SCUBE2: variants seen among roughly 807,000 people sequenced by gnomAD.
SCUBE2 encodes the protein signal peptide, CUB and EGF-like domain-containing protein 2.
A neutral mutation model predicts 125.9 loss-of-function variants in SCUBE2; 114 were observed. The observed-to-expected ratio is 0.91, with a 90% CI of 0.78 to 1.06. The LOEUF (loss-of-function observed/expected upper bound fraction) is 1.06, where lower values mean the gene tolerates loss of function less well. SCUBE2 is among the 50% of genes least tolerant of loss of function. The pLI is 0.00. For synonymous variants in SCUBE2, 459 were observed against 492.9 expected, an observed-to-expected ratio of 0.93 and a Z score of 0.91; for missense variants, 1,255 against 1,301.8, an observed-to-expected ratio of 0.96 and a Z score of 0.55.
Position 9,038,503 on chromosome 11 carries a change from G to A in SCUBE2, c.2003-4707C>T, listed in dbSNP as rs535598711. Among the ~76,000 whole-genome samples, 102 of 152,222 alleles carry A rather than the reference G, an allele frequency of 6.7e-4. No individual in the cohort carries two copies. The South Asian group carries it at 0.014, about 21-fold the overall frequency. ...AATCACCTTAAAAAGTTAGCTGAGC[G>A]TGGTAGTGCATGCCAGTGGGAGAAT... On this transcript the variant is annotated intron_variant, in intron 16 of 22. Transcript: ENST00000649792.
At chr11:9,057,215 T>C (rs1859174877) in intron 9 of SCUBE2, 1 of 152,356 alleles carries the variant, frequency 6.6e-6, no homozygotes, top group South Asian at 2.1e-4. Context: ...ACTTTTCTAA[T>C]TCCTTTTTAA....
At chr11:9,033,507 G>T in intron 17 of SCUBE2, 119 bp downstream of exon 17, 1 of 1,175,406 alleles carries the variant, frequency 8.5e-7, no homozygotes, top group South Asian at 1.5e-5. Context: ...AGCCAACGTG[G>T]TCCCTGCTTG....
At chr11:9,077,412 CT>C (rs1861290747) in intron 3 of SCUBE2, among the ~76,000 whole-genome samples, 2 of 152,186 alleles carry the variant, frequency 1.3e-5, no homozygotes, top group African/African-American at 2.4e-5. Context: ...GAAGAGCTGC[CT>C]TTCGTTTTTC....
intron 15 of SCUBE2, 133 bp downstream of exon 15, chr11:9,047,810 T>C: frequency 8.6e-7 from 1 of 1,156,300 alleles, no homozygotes; most frequent in Non-Finnish European, 1.2e-6. Flanking sequence ...CAGTTTAGTT[T>C]CGGGGTGAAA....
intron 2 of SCUBE2, among the ~76,000 whole-genome samples, chr11:9,086,481 A>T (rs74052394): frequency 8.9e-4 from 135 of 152,344 alleles, no homozygotes; most frequent in African/African-American, 3.1e-3. Context: ...GAATCCTTGC[A>T]ATCCTCATTT....
rs1223450714 is a variant in SCUBE2, at chr11:9,021,105, T to G, written c.3027A>C (p.Pro1009=). 1.4e-5 allele frequency: 23 copies of G among 1,613,848 alleles called. No individual in the cohort carries two copies. Among genetic ancestry groups the G allele is most frequent in the Non-Finnish European group, 1.9e-5 (23 of 1,179,902 alleles). Residue 1009 remains proline, a synonymous_variant, in exon 23 of 23, where the codon CCA becomes CCC. Transcript: ENST00000649792. ...AACGTAGCAATCGGATGAACGATCT[T>G]GGAAACATCTCTCGGGACTCCTGGG... The part of the protein sequence containing the change: ...YTAQESREMF[P]RSFIRLLRSK...
chr11:9,026,009 A>G, intron 20 of SCUBE2, 155 bp from the exon 21 acceptor site: 1 of 735,606 alleles, frequency 1.4e-6, no homozygotes, highest in Non-Finnish European at 2.1e-6. Flanking sequence ...AAGGTCCTGG[A>G]AACAGAGTAG....
chr11:9,024,106 G>A (rs924295568), intron 21 of SCUBE2: 7 of 543,076 alleles, frequency 1.3e-5, no homozygotes, highest in East Asian at 1.3e-4. Flanking sequence ...ACTCACTCTC[G>A]TGGGCATACA....
At chr11:9,080,055 A>G (rs957932714) in intron 2 of SCUBE2, among the ~76,000 whole-genome samples, 3 of 152,216 alleles carry the variant, frequency 2.0e-5, no homozygotes, top group African/African-American at 4.8e-5. Flanking sequence ...CTATAAACCT[A>G]CAGTTATCAA....
intron 2 of SCUBE2, among the ~76,000 whole-genome samples, chr11:9,087,060 T>C (rs985839002): frequency 6.6e-6 from 1 of 152,096 alleles, no homozygotes; most frequent in African/African-American, 2.4e-5. Context: ...TATTTGACTT[T>C]TTATAACAAT....
At chr11:9,070,599 A>G (rs1459541266) in intron 4 of SCUBE2, among the ~76,000 whole-genome samples, 3 of 152,212 alleles carry the variant, frequency 2.0e-5, no homozygotes, top group Non-Finnish European at 4.4e-5. Flanking sequence ...TAATACTAGT[A>G]GGGCACTGTT....
intron 2 of SCUBE2, among the ~76,000 whole-genome samples, chr11:9,086,348 A>AT (rs1862063881): frequency 6.6e-6 from 1 of 152,250 alleles, no homozygotes; most frequent in Admixed American, 6.5e-5. Context: ...GAACTTAAAT[A>AT]TGAGTAGTGA....
At chr11:9,085,618 G>A (rs1861988015) in intron 2 of SCUBE2, among the ~76,000 whole-genome samples, 2 of 152,074 alleles carry the variant, frequency 1.3e-5, no homozygotes, top group South Asian at 4.2e-4. Context: ...CCCAGCTACT[G>A]GGGAGGCTGA....
intron 7 of SCUBE2, among the ~76,000 whole-genome samples, chr11:9,064,026 G>T (rs564152620): frequency 1.1e-3 from 162 of 152,286 alleles, no homozygotes; most frequent in Admixed American, 1.4e-3. Flanking sequence ...ACATAATATT[G>T]ATTTAAATTG....
At chr11:9,037,323 CTGT>C (rs1299738480) in intron 16 of SCUBE2, among the ~76,000 whole-genome samples, 1 of 152,198 alleles carries the variant, frequency 6.6e-6, no homozygotes, top group Non-Finnish European at 1.5e-5. Flanking sequence ...TCCCACACAG[CTGT>C]TTTTTCTCCT....
chr11:9,023,474 A>G (rs984423353), intron 21 of SCUBE2, among the ~76,000 whole-genome samples: 5 of 152,204 alleles, frequency 3.3e-5, no homozygotes, highest in African/African-American at 1.2e-4. Flanking sequence ...ACCATTAAGA[A>G]TGTCGGTTGC....
At chr11:9,023,679 T>G (rs1480655140) in intron 21 of SCUBE2, among the ~76,000 whole-genome samples, 1 of 152,210 alleles carries the variant, frequency 6.6e-6, no homozygotes, top group Non-Finnish European at 1.5e-5. Flanking sequence ...ACAGTCCTGG[T>G]TCAAACCTTG....
chr11:9,041,854 T>C (rs1046187217), intron 16 of SCUBE2, among the ~76,000 whole-genome samples: 2 of 152,070 alleles, frequency 1.3e-5, no homozygotes, highest in African/African-American at 2.4e-5. Flanking sequence ...ATGTTGGAAA[T>C]GATCTAGCAG....
At chr11:9,047,802 G>T in intron 15 of SCUBE2, 141 bp downstream of exon 15, 1 of 1,087,980 alleles carries the variant, frequency 9.2e-7, no homozygotes, top group African/African-American at 1.6e-5. Flanking sequence ...AACCAATTCA[G>T]TTTAGTTTCG....
Sources: gnomAD v4.1 joint callset for allele counts (sites outside exome capture counted in the v4.1 genomes callset) on GRCh38, gnomAD v4.1.1 for gene constraint, MANE v1.5 for transcripts, NCBI Gene and HGNC (gene_info 2026-07-23, HGNC 2026-07-21) for gene names.